Variants in MAPK4 observed in about 807,000 individuals in gnomAD.
MAPK4 encodes Erk3-related.
Under a neutral mutation model 47.7 loss-of-function variants are expected in MAPK4, and 22 were observed. The ratio of observed to expected loss-of-function variants is 0.46; its 90% CI spans 0.33 to 0.66. The LOEUF is 0.66. MAPK4 is among the 30% of genes least tolerant of loss of function. The pLI, the probability that MAPK4 is intolerant of heterozygous loss-of-function variation, is 0.02. For missense variants in MAPK4, 736 were observed against 831.7 expected (o/e 0.88, Z 1.42); for synonymous variants, 390 against 365.7 (o/e 1.07, Z -0.76).
chr18:50,692,922 C>A (rs1049556834), intron 2 of MAPK4, among the ~76,000 whole-genome samples: 1 of 152,128 alleles, frequency 6.6e-6, no homozygotes, highest in Non-Finnish European at 1.5e-5. Flanking sequence ...GGGCATCCAC[C>A]TGAACCACAG....
At chr18:50,670,620 G>GGTGGT (rs1568073312) in intron 2 of MAPK4, among the ~76,000 whole-genome samples, 1 of 152,094 alleles carries the variant, frequency 6.6e-6, no homozygotes, top group African/African-American at 2.4e-5. Context: ...AGCCAGGCGT[G>GGTGGT]GTGGTGTGTG....
rs1014870214 is a variant in MAPK4 at position 50,725,966 on chromosome 18, C to A, written c.858C>A (p.Ile286=). The change falls in exon 5 of 6, where the codon ATC becomes ATA. Residue 286 remains isoleucine, a synonymous_variant. Transcript: ENST00000400384. ...GTCCGGCTTTGCTCCCTGCAGCCAT[C>A]GACTTTCTGGAGAAGATCCTGACCT... ...KLLPEVNSEA[I]DFLEKILTFN... The A allele has an allele frequency of 6.2e-7, 1 of 1,614,046 alleles. No homozygotes were observed. Among genetic ancestry groups the A allele is most frequent in the Non-Finnish European group, 8.5e-7 (1 of 1,179,950 alleles).
chr18:50,730,089 G>T lies in MAPK4; in HGVS notation c.*235G>T. 2.4e-6 allele frequency: 1 copy of T among 415,204 alleles called. No homozygotes were observed. Among genetic ancestry groups the T allele is most frequent in the African/African-American group, 2.0e-5 (1 of 50,222 alleles). 25.7% of individuals were successfully genotyped at this position (415,204 alleles called of 1,614,324 possible). Reference sequence around the variant, plus strand: ...GGCTTAGGGGTTGATCACTTTCCTAGCAAAGGGGAGACCACATGTGGTGCA... The same window carrying T: ...GGCTTAGGGGTTGATCACTTTCCTATCAAAGGGGAGACCACATGTGGTGCA... On this transcript the variant is annotated 3_prime_UTR_variant, in exon 6 of 6. Transcript: ENST00000400384.
intron 2 of MAPK4, among the ~76,000 whole-genome samples, chr18:50,702,478 C>T (rs2144387631): frequency 6.6e-6 from 1 of 152,252 alleles, no homozygotes; most frequent in South Asian, 2.1e-4. Context: ...CAGCAGTTTG[C>T]CAAGCAGCTA....
At chr18:50,659,581 G>C (rs913724170) in intron 1 of MAPK4, among the ~76,000 whole-genome samples, 1 of 152,174 alleles carries the variant, frequency 6.6e-6, no homozygotes, top group African/African-American at 2.4e-5. Flanking sequence ...TAAAAGGCTG[G>C]ATGAGTGAGA....
At chr18:50,631,054 CAG>C (rs1423601542) in intron 1 of MAPK4, among the ~76,000 whole-genome samples, 2 of 152,202 alleles carry the variant, frequency 1.3e-5, no homozygotes, top group East Asian at 3.8e-4. Flanking sequence ...CTGATGTGCA[CAG>C]AGTGGTGAAA....
At chr18:50,591,195 A>G (rs899825615) in intron 1 of MAPK4, among the ~76,000 whole-genome samples, 1 of 152,144 alleles carries the variant, frequency 6.6e-6, no homozygotes, top group African/African-American at 2.4e-5. Context: ...AACTTAGTAA[A>G]TTATTTCTTC....
chr18:50,625,457 G>T (rs8092837), intron 1 of MAPK4, among the ~76,000 whole-genome samples: 3 of 152,132 alleles, frequency 2.0e-5, no homozygotes, highest in African/African-American at 4.8e-5. Flanking sequence ...TCCAAAGACC[G>T]CAGGAGTCAC....
intron 2 of MAPK4, among the ~76,000 whole-genome samples, chr18:50,689,343 A>G (rs1202883951): frequency 2.0e-5 from 3 of 150,230 alleles, no homozygotes; most frequent in Admixed American, 1.3e-4. Flanking sequence ...GGAGATTGCA[A>G]TGATCCGAGA....
intron 1 of MAPK4, among the ~76,000 whole-genome samples, chr18:50,600,766 G>A (rs1351021174): frequency 6.6e-6 from 1 of 151,380 alleles, no homozygotes; most frequent in Non-Finnish European, 1.5e-5. Flanking sequence ...TGATTTTAGT[G>A]TCAAAGAACC....
intron 1 of MAPK4, among the ~76,000 whole-genome samples, chr18:50,580,179 T>TGGA (rs534123721): frequency 6.6e-6 from 1 of 152,086 alleles, no homozygotes; most frequent in Non-Finnish European, 1.5e-5. Flanking sequence ...CTGAGTAGGC[T>TGGA]GGAGGAGGAG....
At chr18:50,571,911 T>C (rs935474048) in intron 1 of MAPK4, among the ~76,000 whole-genome samples, 2 of 152,170 alleles carry the variant, frequency 1.3e-5, no homozygotes, top group South Asian at 2.1e-4. Context: ...AATGGTAAAG[T>C]ATTATAGCTC....
Position 50,715,063 on chromosome 18 carries a change from A to C in MAPK4, c.547-16A>C. On this transcript the variant is annotated splice_polypyrimidine_tract_variant and intron_variant, in intron 2 of 5. Transcript: ENST00000400384. ...AAAAATGACTGATCAGTGGAACCAG[A>C]AATTTTGTCTTTCAGGGTTATCTGT... 6.2e-7 allele frequency: 1 copy of C among 1,612,356 alleles called. No individual in the cohort carries two copies. Among genetic ancestry groups the C allele is most frequent in the Non-Finnish European group, 8.5e-7 (1 of 1,179,434 alleles).
chr18:50,684,558 A>G (rs1381774681), intron 2 of MAPK4, among the ~76,000 whole-genome samples: 1 of 151,742 alleles, frequency 6.6e-6, no homozygotes, highest in Non-Finnish European at 1.5e-5. Flanking sequence ...AAAAAAAAAA[A>G]AGCTTTTATT....
rs74921002 is a variant in MAPK4, at chr18:50,596,295, T to G, written c.-871+36052T>G. The stretch of plus-strand genomic sequence containing the variant: ...CAGCTCTGATGCCAAAATCTGTGCT[T>G]CTTCCGCCTGTGCTATGTTATGCCT... On this transcript the variant is annotated intron_variant, in intron 1 of 5. Transcript: ENST00000400384. 9.4e-3 allele frequency among the ~76,000 whole-genome samples: 1,437 copies of G among 152,278 alleles called. 20 individuals carry two copies. The highest frequency in any genetic ancestry group is 0.032 in the African/African-American group (1,329 of 41,556).
At chr18:50,596,682 T>A (rs1222524263) in intron 1 of MAPK4, among the ~76,000 whole-genome samples, 5 of 152,118 alleles carry the variant, frequency 3.3e-5, no homozygotes, top group Non-Finnish European at 7.4e-5. Flanking sequence ...TCAACATCAG[T>A]GGTATAATGT....
rs543579650 is a variant in MAPK4 at position 50,641,296 on chromosome 18, A to T, written c.-870-21793A>T. 4.0e-5 allele frequency among the ~76,000 whole-genome samples: 6 copies of T among 151,864 alleles called. No individual in the cohort carries two copies. In the South Asian group the frequency reaches 1.0e-3, roughly 26 times the overall value. On this transcript the variant is annotated intron_variant, in intron 1 of 5. Transcript: ENST00000400384. ...TGATGGGATTTGGACAAGTTTCCCTACCTTTCTTGGGTCTCAGTTTTCTTA... is the reference window on the plus strand; with the variant it reads ...TGATGGGATTTGGACAAGTTTCCCTTCCTTTCTTGGGTCTCAGTTTTCTTA...
intron 1 of MAPK4, among the ~76,000 whole-genome samples, chr18:50,661,461 T>A (rs2043171018): frequency 6.6e-6 from 1 of 152,206 alleles, no homozygotes; most frequent in South Asian, 2.1e-4. Flanking sequence ...ATATTGACCC[T>A]ATGTATGCTG....
At chr18:50,681,899 A>C (rs1908608093) in intron 2 of MAPK4, among the ~76,000 whole-genome samples, 1 of 152,202 alleles carries the variant, frequency 6.6e-6, no homozygotes. Context: ...CTTAGAAAGG[A>C]ATAAAATGCT....
Sources: allele counts gnomAD v4.1 joint callset (sites outside exome capture counted in the v4.1 genomes callset), GRCh38; gene constraint gnomAD v4.1.1; transcripts MANE v1.5; gene names NCBI Gene and HGNC (gene_info 2026-07-23, HGNC 2026-07-21).